Variants in EGF observed in about 807,000 individuals in gnomAD.
The protein encoded by EGF is epidermal growth factor, also known as pro-epidermal growth factor.
In EGF, 95 loss-of-function variants were observed where a neutral mutation model predicts 143.8. The observed-to-expected ratio is 0.66, with a 90% CI of 0.56 to 0.78. EGF has a LOEUF of 0.78. Ranked by LOEUF, EGF falls within the 30% of genes least tolerant of loss-of-function variation. The probability of loss-of-function intolerance (pLI) is 0.00; values close to 1 mark genes in which losing one functional copy is unlikely to be tolerated. For missense variants in EGF, 1,320 were observed against 1,470.9 expected, an observed-to-expected ratio of 0.90 and a Z score of 1.68; for synonymous variants, 510 against 510.5, an observed-to-expected ratio of 1.00 and a Z score of 0.01.
intron 6 of EGF, among the ~76,000 whole-genome samples, chr4:109,960,371 G>A (rs1312356504): frequency 1.3e-5 from 2 of 152,200 alleles, no homozygotes; most frequent in East Asian, 3.8e-4. Context: ...TGGGCCAGGC[G>A]TGGTGACTCA....
chr4:109,969,149 G>A, intron 11 of EGF, 30 bp downstream of exon 11: 1 of 1,613,990 alleles, frequency 6.2e-7, no homozygotes, highest in African/African-American at 1.3e-5. Context: ...TTTAAGCTGT[G>A]TGAGATGGGA....
intron 2 of EGF, 84 bp downstream of exon 2, chr4:109,941,229 A>C: frequency 7.8e-7 from 1 of 1,276,562 alleles, no homozygotes; most frequent in Non-Finnish European, 1.1e-6. Context: ...TGTATAGATA[A>C]ATGAAAATTA....
intron 22 of EGF, among the ~76,000 whole-genome samples, chr4:110,006,996 T>G (rs752125017): frequency 5.8e-4 from 89 of 152,346 alleles, no homozygotes; most frequent in Middle Eastern, 3.4e-3. Context: ...AAATTTGCAG[T>G]GCAGAGGGTT....
chr4:109,914,282 T>TG lies in EGF; in HGVS notation c.127+820_127+821insG, dbSNP rs3216211. 0.013 allele frequency among the ~76,000 whole-genome samples: 1,984 copies of TG among 152,340 alleles called. 208 individuals are homozygous for TG. In the East Asian group the frequency reaches 0.23, roughly 18 times the overall value. The stretch of plus-strand genomic sequence containing the variant: ...AGCCGCCTTTGTTGATGAGAGGTTA[T>TG]AGCTGCCCCGACATTCCATTTTTAT... On this transcript the variant is annotated intron_variant, in intron 1 of 23. Transcript: ENST00000265171.
chr4:109,936,605 C>T (rs1337119376), intron 1 of EGF, among the ~76,000 whole-genome samples: 1 of 152,080 alleles, frequency 6.6e-6, no homozygotes, highest in African/African-American at 2.4e-5. Context: ...TTTGCTCTTG[C>T]TTCACTAGTT....
intron 5 of EGF, among the ~76,000 whole-genome samples, chr4:109,950,535 A>T (rs74543336): frequency 0.017 from 2,629 of 152,252 alleles, 81 homozygotes; most frequent in African/African-American, 0.059. Context: ...ATTAAAATCC[A>T]CTGAGAATTC....
At chr4:109,976,579 T>C (rs1748536462) in intron 13 of EGF, among the ~76,000 whole-genome samples, 1 of 152,236 alleles carries the variant, frequency 6.6e-6, no homozygotes, top group Non-Finnish European at 1.5e-5. Context: ...TAGGCAATTT[T>C]AGGCATGAAT....
intron 12 of EGF, among the ~76,000 whole-genome samples, chr4:109,975,136 A>T (rs1469136131): frequency 6.6e-6 from 1 of 152,220 alleles, no homozygotes; most frequent in Non-Finnish European, 1.5e-5. Context: ...GGATTATATG[A>T]CTTATAGATT....
chr4:109,972,246 C>T (rs1312731925), intron 11 of EGF, among the ~76,000 whole-genome samples: 2 of 152,130 alleles, frequency 1.3e-5, no homozygotes, highest in Non-Finnish European at 2.9e-5. Context: ...TTTCTCACTA[C>T]CAACACTGGA....
intron 22 of EGF, among the ~76,000 whole-genome samples, chr4:110,005,036 CTTTTTTTTTTTT>C (rs538062029): frequency 0.01 from 830 of 80,794 alleles, 22 homozygotes; most frequent in African/African-American, 0.03. Flanking sequence ...TTTTCTCTGT[CTTTTTTTTTTTT>C]TTTTTTTTTT....
At chr4:109,947,649 A>G (rs1002543385) in intron 5 of EGF, among the ~76,000 whole-genome samples, 3 of 152,258 alleles carry the variant, frequency 2.0e-5, no homozygotes, top group Non-Finnish European at 4.4e-5. Context: ...CTGTCTTCAC[A>G]TACAACTCAT....
chr4:109,917,648 T>G (rs1736926881), intron 1 of EGF, among the ~76,000 whole-genome samples: 3 of 152,042 alleles, frequency 2.0e-5, no homozygotes, highest in Non-Finnish European at 4.4e-5. Flanking sequence ...TTGAGACAGG[T>G]TTTGCTCTGT....
chr4:109,923,215 A>G (rs1213023842), intron 1 of EGF, among the ~76,000 whole-genome samples: 1 of 151,586 alleles, frequency 6.6e-6, no homozygotes, highest in Non-Finnish European at 1.5e-5. Flanking sequence ...ATATATGTAT[A>G]TAGGTAAGGC....
chr4:109,966,247 G>A (rs999685470), intron 10 of EGF, among the ~76,000 whole-genome samples: 1 of 151,820 alleles, frequency 6.6e-6, no homozygotes, highest in Non-Finnish European at 1.5e-5. Context: ...ATTCCACTCT[G>A]TATGTCCATG....
Position 110,011,410 on chromosome 4 carries a change from A to G in EGF, c.3579A>G (p.Gln1193=), listed in dbSNP as rs912673412. The G allele has an allele frequency of 6.2e-7, 1 of 1,614,228 alleles. No homozygotes were observed. Among genetic ancestry groups the G allele is most frequent in the Non-Finnish European group, 8.5e-7 (1 of 1,180,020 alleles). ...HSLLSANPLW[Q]QRALDPPHQM... ...TCCTATCAGCTAACCCATTATGGCA[A>G]CAAAGGGCCCTGGACCCACCACACC... Residue 1193 remains glutamine (Q), a synonymous_variant, in exon 24 of 24, where the codon CAA becomes CAG. Coordinates refer to ENST00000265171, the MANE Select transcript of EGF (RefSeq NM_001963.6).
chr4:109,929,700 A>G (rs1254524725), intron 1 of EGF, among the ~76,000 whole-genome samples: 1 of 150,626 alleles, frequency 6.6e-6, no homozygotes, highest in African/African-American at 2.5e-5. Flanking sequence ...GTGAAGCAAA[A>G]TGAGTTCCAG....
intron 1 of EGF, among the ~76,000 whole-genome samples, chr4:109,914,500 C>T (rs776409167): frequency 3.9e-5 from 6 of 152,148 alleles, no homozygotes; most frequent in Non-Finnish European, 7.3e-5. Flanking sequence ...AGGAAGTTCC[C>T]GATGAGGAAA....
rs779402563 is a variant in EGF, at chr4:109,959,354, C to G, written c.983C>G (p.Thr328Ser). ...TTGAGGAAAGGAAACTGCAGCAGCA[C>G]TGTGTGTGGGCAAGACCTCCAGTCA... is the stretch of plus-strand genomic sequence containing the variant. The part of the protein sequence containing the change: ...CKLRKGNCSS[T>S]VCGQDLQSHL... Residue 328 changes from threonine to serine, a missense_variant, in exon 6 of 24, where the codon ACT (threonine) becomes AGT (serine). Thr to Ser is a moderately conservative substitution (Grantham distance 58). Transcript: ENST00000265171. The G allele has an allele frequency of 5.0e-6, 8 of 1,613,542 alleles. No individual in the cohort carries two copies. Among genetic ancestry groups the G allele is most frequent in the Middle Eastern group, 1.6e-4 (1 of 6,080 alleles).
intron 5 of EGF, 96 bp downstream of exon 5, chr4:109,945,371 T>G: frequency 8.0e-7 from 1 of 1,243,164 alleles, no homozygotes; most frequent in Non-Finnish European, 1.1e-6. Flanking sequence ...GGAAAAAAAA[T>G]TTTTTTCTTC....
Sources: gnomAD v4.1 joint callset for allele counts (sites outside exome capture counted in the v4.1 genomes callset) on GRCh38, gnomAD v4.1.1 for gene constraint, MANE v1.5 for transcripts, NCBI Gene and HGNC (gene_info 2026-07-23, HGNC 2026-07-21) for gene names.